FAM185A: variants seen among roughly 807,000 people sequenced by gnomAD.
FAM185A encodes protein FAM185A.
A neutral mutation model predicts 45.7 loss-of-function variants in FAM185A; 21 were observed. That is an observed-to-expected ratio of 0.46 (90% CI 0.33 to 0.66). FAM185A has a LOEUF of 0.66. Ranked by LOEUF, FAM185A falls within the 30% of genes least tolerant of loss-of-function variation. FAM185A has a pLI of 0.03. For synonymous variants in FAM185A, 117 were observed against 194.0 expected, an observed-to-expected ratio of 0.60 and a Z score of 3.30; for missense variants, 305 against 485.4, an observed-to-expected ratio of 0.63 and a Z score of 3.49.
intron 7 of FAM185A, among the ~76,000 whole-genome samples, chr7:102,794,948 A>G (rs2537398): frequency 6.6e-6 from 1 of 152,234 alleles, no homozygotes; most frequent in African/African-American, 2.4e-5. Context: ...TTCTTGAAAC[A>G]ACAAAATTAA....
chr7:102,776,556 A>G (rs1795070595), intron 5 of FAM185A, among the ~76,000 whole-genome samples: 1 of 152,150 alleles, frequency 6.6e-6, no homozygotes, highest in East Asian at 1.9e-4. Flanking sequence ...TAAACAAGCT[A>G]TTCTTCAAAT....
the FAM185A span, among the ~76,000 whole-genome samples, chr7:102,826,769 A>ATATATAATG: frequency 9.9e-6 from 1 of 100,742 alleles, no homozygotes; most frequent in Non-Finnish European, 2.0e-5. Context: ...ATATATATAT[A>ATATATAATG]TATGTATATA....
At chr7:102,776,405 A>G (rs1017102431) in intron 5 of FAM185A, among the ~76,000 whole-genome samples, 2 of 152,078 alleles carry the variant, frequency 1.3e-5, no homozygotes, top group African/African-American at 4.8e-5. Flanking sequence ...TGAACTTGAG[A>G]TACTGGTTGA....
At chr7:102,827,940 A>G in the FAM185A span, among the ~76,000 whole-genome samples, 2 of 152,068 alleles carry the variant, frequency 1.3e-5, no homozygotes, top group African/African-American at 2.4e-5. Flanking sequence ...CCATTGGTCT[A>G]TATCTCTGTT....
the FAM185A span, among the ~76,000 whole-genome samples, chr7:102,849,366 C>G: frequency 2.6e-5 from 4 of 152,180 alleles, no homozygotes; most frequent in Admixed American, 2.0e-4. Flanking sequence ...ACTGACTCTG[C>G]GTGTGCTGTG....
At chr7:102,834,441 T>TTATATATATGTGATTATATATATA in the FAM185A span, among the ~76,000 whole-genome samples, 1 of 128,806 alleles carries the variant, frequency 7.8e-6, no homozygotes, top group Non-Finnish European at 1.6e-5. Flanking sequence ...ATTATATATA[T>TTATATATATGTGATTATATATATA]TATATATATG....
At chr7:102,829,000 G>A in the FAM185A span, among the ~76,000 whole-genome samples, 51 of 152,292 alleles carry the variant, frequency 3.3e-4, 1 homozygote, top group Non-Finnish European at 4.4e-5. Flanking sequence ...TCCTGAGACT[G>A]AGGATAGGGG....
chr7:102,774,405 ATCTT>A (rs1794934332), intron 5 of FAM185A, among the ~76,000 whole-genome samples: 1 of 151,708 alleles, frequency 6.6e-6, no homozygotes, highest in South Asian at 2.1e-4. Context: ...TTTCCCTCCT[ATCTT>A]TATTACTTTT....
rs761520461 is a variant in FAM185A, at chr7:102,772,433, T to C, written c.818T>C (p.Met273Thr). The change falls in exon 5 of 8, where the codon ATG becomes ACG. Residue 273 changes from methionine to threonine, a missense_variant. Physicochemically the swap from Met to Thr is moderately conservative, Grantham distance 81. Coordinates refer to ENST00000413034, the MANE Select transcript of FAM185A (RefSeq NM_001145268.2). ...GGTAATATAACATTACAAAGCAAGA[T>C]GGGTAACATCACAGTAGGTATGTGC... ...VHGNITLQSK[M>T]GNITVDSSSG... is the part of the protein sequence containing the mutation. The C allele has an allele frequency of 1.0e-5, 16 of 1,545,314 alleles. No homozygotes were observed. Among genetic ancestry groups the C allele is most frequent in the Non-Finnish European group, 1.1e-5 (13 of 1,144,434 alleles).
intron 6 of FAM185A, among the ~76,000 whole-genome samples, chr7:102,778,297 T>C (rs1385723408): frequency 6.6e-6 from 1 of 152,250 alleles, no homozygotes; most frequent in Non-Finnish European, 1.5e-5. Flanking sequence ...AATATCATAT[T>C]TTCTCCCTTT....
At chr7:102,751,626 A>C in intron 1 of FAM185A, 66 bp from the exon 2 acceptor site, 1 of 1,458,400 alleles carries the variant, frequency 6.9e-7, no homozygotes, top group Non-Finnish European at 9.1e-7. Flanking sequence ...TTGGGTTTCT[A>C]GGTTAAAATG....
the FAM185A span, among the ~76,000 whole-genome samples, chr7:102,845,569 G>C: frequency 6.6e-6 from 1 of 152,148 alleles, no homozygotes; most frequent in African/African-American, 2.4e-5. Flanking sequence ...CAGATGCATG[G>C]ACATCGTCTT....
At chr7:102,752,578 T>G (rs1033336460) in intron 2 of FAM185A, among the ~76,000 whole-genome samples, 12 of 117,780 alleles carry the variant, frequency 1.0e-4, no homozygotes, top group Admixed American at 9.5e-4. Context: ...CTGTAATTAA[T>G]TTTTTTTTTT....
At chr7:102,794,652 T>G (rs1796341947) in intron 7 of FAM185A, among the ~76,000 whole-genome samples, 1 of 152,234 alleles carries the variant, frequency 6.6e-6, no homozygotes, top group African/African-American at 2.4e-5. Flanking sequence ...CTAGCATTTA[T>G]ATTCCTGGGC....
chr7:102,842,850 C>A, the FAM185A span, among the ~76,000 whole-genome samples: 1 of 152,228 alleles, frequency 6.6e-6, no homozygotes, highest in Non-Finnish European at 1.5e-5. Context: ...TCAGTTTCTA[C>A]TTAGACTATG....
At chr7:102,785,330 T>C (rs1412261767) in intron 6 of FAM185A, among the ~76,000 whole-genome samples, 2 of 150,372 alleles carry the variant, frequency 1.3e-5, no homozygotes, top group Non-Finnish European at 3.0e-5. Context: ...AAAAAACTAC[T>C]TTAAAGTTCA....
intron 3 of FAM185A, among the ~76,000 whole-genome samples, chr7:102,759,967 A>G (rs1363348436): frequency 1.3e-5 from 2 of 152,076 alleles, no homozygotes; most frequent in Non-Finnish European, 2.9e-5. Flanking sequence ...TGCTTTGTCC[A>G]CTTAACAAGG....
chr7:102,777,971 C>T (rs1241958613), intron 6 of FAM185A, among the ~76,000 whole-genome samples: 4 of 152,204 alleles, frequency 2.6e-5, no homozygotes, highest in African/African-American at 7.2e-5. Flanking sequence ...TGGATGTACA[C>T]ATATGTGTTG....
At chr7:102,822,054 G>T in the FAM185A span, 1 of 1,614,176 alleles carries the variant, frequency 6.2e-7, no homozygotes, top group East Asian at 2.2e-5. Flanking sequence ...AAATATTTGT[G>T]CAGTATTGCA....
Sources: gnomAD v4.1 joint callset for allele counts (sites outside exome capture counted in the v4.1 genomes callset) on GRCh38, gnomAD v4.1.1 for gene constraint, MANE v1.5 for transcripts, NCBI Gene and HGNC (gene_info 2026-07-23, HGNC 2026-07-21) for gene names.